The following GDA variants were observed in gnomAD, a reference collection of about 807,000 sequenced individuals.
GDA encodes the protein cytoplasmic PSD-95 interactor.
Under a neutral mutation model 59.6 loss-of-function variants are expected in GDA, and 18 were observed. The observed-to-expected ratio is 0.30, with a 90% CI of 0.21 to 0.45. The LOEUF is 0.45. Ranked by LOEUF, GDA falls within the 20% of genes least tolerant of loss-of-function variation. The pLI is 1.00. For missense variants in GDA, 427 were observed against 552.3 expected, an observed-to-expected ratio of 0.77 and a Z score of 2.27; for synonymous variants, 201 against 201.1, an observed-to-expected ratio of 1.00 and a Z score of 0.00.
intron 1 of GDA, among the ~76,000 whole-genome samples, chr9:72,163,562 G>A (rs1217680166): frequency 5.3e-5 from 8 of 151,112 alleles, no homozygotes; most frequent in Non-Finnish European, 1.2e-4. Flanking sequence ...GCACGATCTC[G>A]GCTCACTGCA....
chr9:72,259,698 G>C (rs1840919291), downstream of GDA, among the ~76,000 whole-genome samples: 1 of 152,054 alleles, frequency 6.6e-6, no homozygotes, highest in Admixed American at 6.6e-5. Flanking sequence ...ATAGCAAAGA[G>C]CCAACATACT....
rs1670955749 is a variant in GDA at position 72,183,582 on chromosome 9, C to T, written c.124-11918C>T. Reference sequence around the variant, plus strand: ...TAACGTAGTGTCTAATGGCCGTTAGCCTGTAGGCAACTGGGGTTCAAATTC... The same window carrying T: ...TAACGTAGTGTCTAATGGCCGTTAGTCTGTAGGCAACTGGGGTTCAAATTC... On this transcript the variant is annotated intron_variant, in intron 1 of 13. Coordinates refer to ENST00000358399, the MANE Select transcript of GDA (RefSeq NM_004293.5). Among the ~76,000 whole-genome samples the T allele has an allele frequency of 3.3e-5, 5 of 152,094 alleles. No individual in the cohort carries two copies. In the South Asian group the frequency reaches 1.0e-3, roughly 32 times the overall value.
intron 1 of GDA, among the ~76,000 whole-genome samples, chr9:72,184,986 A>C (rs1478234282): frequency 6.6e-6 from 1 of 152,204 alleles, no homozygotes; most frequent in Non-Finnish European, 1.5e-5. Context: ...TGATTGAAAA[A>C]AAGTGAAGAA....
intron 2 of GDA, among the ~76,000 whole-genome samples, chr9:72,200,860 C>T (rs1833901249): frequency 6.6e-6 from 1 of 152,126 alleles, no homozygotes; most frequent in Non-Finnish European, 1.5e-5. Context: ...AATTCCATCA[C>T]GTGGAACGTA....
chr9:72,121,538 A>C (rs1411365188), intron 1 of GDA, among the ~76,000 whole-genome samples: 1 of 152,238 alleles, frequency 6.6e-6, no homozygotes, highest in East Asian at 1.9e-4. Context: ...CGGAGGTTGC[A>C]GTGAGCTGAG....
intron 1 of GDA, among the ~76,000 whole-genome samples, chr9:72,179,493 T>C: frequency 6.6e-6 from 1 of 152,214 alleles, no homozygotes; most frequent in African/African-American, 2.4e-5. Flanking sequence ...ATCTTGATCC[T>C]TCAGTAAATC....
chr9:72,197,957 T>C (rs1833405064), intron 2 of GDA, among the ~76,000 whole-genome samples: 1 of 152,092 alleles, frequency 6.6e-6, no homozygotes, highest in Non-Finnish European at 1.5e-5. Context: ...ATGGTGGCCA[T>C]GGACCCTGGA....
intron 9 of GDA, 110 bp downstream of exon 9, chr9:72,228,150 G>A: frequency 1.4e-6 from 1 of 698,942 alleles, no homozygotes; most frequent in South Asian, 1.6e-5. Context: ...TCTATTCTGT[G>A]TTTGGCAGGA....
At chr9:72,220,857 G>A (rs1466098343) in intron 6 of GDA, among the ~76,000 whole-genome samples, 1 of 152,106 alleles carries the variant, frequency 6.6e-6, no homozygotes, top group Non-Finnish European at 1.5e-5. Flanking sequence ...CATGCAGCAG[G>A]CACCCCCTAT....
intron 1 of GDA, among the ~76,000 whole-genome samples, chr9:72,130,088 AAGTT>A (rs1825975562): frequency 6.6e-6 from 1 of 152,178 alleles, no homozygotes; most frequent in Admixed American, 6.5e-5. Context: ...CACTGAGAGA[AAGTT>A]AGACAATAAA....
intron 9 of GDA, chr9:72,228,634 T>C (rs1240204903): frequency 6.5e-6 from 1 of 152,842 alleles, no homozygotes; most frequent in Admixed American, 6.5e-5. Context: ...ACATCTGTAA[T>C]CCTAGCACTT....
Position 72,250,487 on chromosome 9 carries a change from T to A in GDA, c.*2145T>A, listed in dbSNP as rs1200022010. 1 of 1,344,372 alleles carries A rather than the reference T, an allele frequency of 7.4e-7. No homozygotes were observed. Among genetic ancestry groups the A allele is most frequent in the African/African-American group, 1.5e-5 (1 of 67,568 alleles). 83.3% of individuals were successfully genotyped at this position (1,344,372 alleles called of 1,614,324 possible). A position where few individuals can be genotyped will look rare whatever the true frequency, so the allele number is the denominator to read the frequency against. On this transcript the variant is annotated 3_prime_UTR_variant, in exon 14 of 14. Transcript: ENST00000358399. ...AATATCTTTCCTAGTAAAAATAGGA[T>A]GTGTTGAAATATTTATATGTACTTT...
chr9:72,200,922 C>T (rs1275827188), intron 2 of GDA, among the ~76,000 whole-genome samples: 5 of 152,066 alleles, frequency 3.3e-5, no homozygotes, highest in African/African-American at 9.7e-5. Context: ...TGAATCTCAG[C>T]GCCAAAGCTG....
At chr9:72,221,843 A>T (rs184809260) in intron 6 of GDA, among the ~76,000 whole-genome samples, 1 of 152,334 alleles carries the variant, frequency 6.6e-6, no homozygotes, top group Admixed American at 6.5e-5. Flanking sequence ...GTTTGCTAAG[A>T]ATAATGGCCT....
chr9:72,234,373 C>G (rs1838721022), intron 10 of GDA, among the ~76,000 whole-genome samples: 1 of 152,104 alleles, frequency 6.6e-6, no homozygotes. Flanking sequence ...TAACATTCTC[C>G]AAACTGAACA....
intron 1 of GDA, among the ~76,000 whole-genome samples, chr9:72,130,716 G>T (rs1187810098): frequency 6.6e-6 from 1 of 152,192 alleles, no homozygotes; most frequent in East Asian, 1.9e-4. Context: ...CCAGTCTAAG[G>T]CTTGGAAAGG....
At chr9:72,229,682 A>G (rs903406926) in intron 9 of GDA, among the ~76,000 whole-genome samples, 6 of 152,360 alleles carry the variant, frequency 3.9e-5, no homozygotes, top group Admixed American at 6.5e-5. Context: ...GCTCTAGCAC[A>G]GGAGAGAGCT....
intron 1 of GDA, among the ~76,000 whole-genome samples, chr9:72,174,879 T>C (rs567876011): frequency 6.6e-6 from 1 of 152,008 alleles, no homozygotes; most frequent in African/African-American, 2.4e-5. Context: ...GTTGGAAATA[T>C]ACCTTGGCAT....
intron 1 of GDA, among the ~76,000 whole-genome samples, chr9:72,162,337 G>C (rs955334029): frequency 2.0e-5 from 3 of 152,130 alleles, no homozygotes; most frequent in Non-Finnish European, 4.4e-5. Context: ...GTTTCTAAAA[G>C]GAAAAAATGC....
Sources: allele counts gnomAD v4.1 joint callset (sites outside exome capture counted in the v4.1 genomes callset), GRCh38; gene constraint gnomAD v4.1.1; transcripts MANE v1.5; gene names NCBI Gene and HGNC (gene_info 2026-07-23, HGNC 2026-07-21).